The following HPD variants were observed in gnomAD, a reference collection of about 807,000 sequenced individuals.
HPD encodes 4-hydroxyphenylpyruvate dioxygenase.
A neutral mutation model predicts 56.9 loss-of-function variants in HPD; 35 were observed. That is an observed-to-expected ratio of 0.62 (90% confidence interval 0.47 to 0.82). HPD has a LOEUF of 0.82. Ranked by LOEUF, HPD falls within the 40% of genes least tolerant of loss-of-function variation. The probability of loss-of-function intolerance (pLI) is 0.00; values close to 1 mark genes in which losing one functional copy is unlikely to be tolerated. For missense variants in HPD, 442 were observed against 506.8 expected, an observed-to-expected ratio of 0.87 and a Z score of 1.23; for synonymous variants, 186 against 200.2, an observed-to-expected ratio of 0.93 and a Z score of 0.60.
At chr12:121,849,179 G>T (rs1317226749) in intron 8 of HPD, 103 bp from the exon 9 acceptor site, 7 of 759,322 alleles carry the variant, frequency 9.2e-6, no homozygotes, top group Non-Finnish European at 1.7e-5. Context: ...TCTGTTTTTG[G>T]AGTTCTATTT....
Position 121,858,790 on chromosome 12 carries a change from C to T in HPD, c.3+31G>A, listed in dbSNP as rs576777240. The T allele has an allele frequency of 7.8e-5, 126 of 1,614,064 alleles. 3 individuals are homozygous for T. The South Asian group carries it at 1.2e-3, about 16-fold the overall frequency. On this transcript the variant is annotated intron_variant, in intron 1 of 13. Coordinates refer to ENST00000289004, the MANE Select transcript of HPD (RefSeq NM_002150.3). ...TTCTGGAAGCGTTACTGAAGATGTC[C>T]CACCCAAGGGGAGATGGCCATGGCA...
chr12:121,844,721 C>CAAAA (rs200446497), intron 11 of HPD, among the ~76,000 whole-genome samples: 4 of 147,336 alleles, frequency 2.7e-5, no homozygotes, highest in African/African-American at 5.0e-5. Context: ...ACTAAAAATA[C>CAAAA]AAAAAAAAAA....
rs1877778845 is a variant in HPD at position 121,851,687 on chromosome 12, A to ATTATTT, written c.415-1898_415-1897insAAATAA. 1.3e-4 allele frequency among the ~76,000 whole-genome samples: 12 copies of ATTATTT among 92,400 alleles called. 1 individual carries two copies. Among genetic ancestry groups the ATTATTT allele is most frequent in the African/African-American group, 4.7e-4 (11 of 23,390 alleles). 60.6% of individuals were successfully genotyped at this position (92,400 alleles called of 152,430 possible). On this transcript the variant is annotated intron_variant, in intron 7 of 13. Transcript: ENST00000289004. ...CTTTTTAAAACATTTTTATTCATTTATTTATTTATTTATTTTTTTTTTTTT... is the reference window on the plus strand; with the variant it reads ...CTTTTTAAAACATTTTTATTCATTTATTATTTTTTATTTATTTATTTTTTTTTTTTT...
At chr12:121,884,937 G>A in the HPD span, among the ~76,000 whole-genome samples, 1 of 152,094 alleles carries the variant, frequency 6.6e-6, no homozygotes, top group African/African-American at 2.4e-5. Flanking sequence ...GGTCCAGGCT[G>A]GAGTGCAGTG....
At chr12:121,884,542 AG>A in the HPD span, among the ~76,000 whole-genome samples, 6 of 152,136 alleles carry the variant, frequency 3.9e-5, no homozygotes, top group African/African-American at 1.4e-4. Context: ...CCTGGACTCA[AG>A]GGATCCTCCT....
At chr12:121,849,961 A>G in intron 7 of HPD, 171 bp from the exon 8 acceptor site, 1 of 652,806 alleles carries the variant, frequency 1.5e-6, no homozygotes, top group Non-Finnish European at 2.8e-6. Context: ...GCAATCTGTC[A>G]CTTGTTTGAG....
At position 121,857,382 on chromosome 12, in the gene HPD, C is replaced by T; in HGVS notation, c.144G>A (p.Arg48=). ...CCTCCCGGGAACCGGTCTCCAGGCC[C>T]CTGTAGGCTAGAGGTTCAAAGCCCA... is the stretch of plus-strand genomic sequence containing the variant. ...SKMGFEPLAY[R]GLETGSREVV... is the part of the protein sequence containing the mutation. The change falls in exon 4 of 14, where the codon AGG becomes AGA. Residue 48 remains arginine, a synonymous_variant. Coordinates refer to ENST00000289004, the MANE Select transcript of HPD (RefSeq NM_002150.3). 1.2e-6 allele frequency: 2 copies of T among 1,614,126 alleles called. No individual in the cohort carries two copies. Among genetic ancestry groups the T allele is most frequent in the South Asian group, 2.2e-5 (2 of 91,086 alleles).
the HPD span, among the ~76,000 whole-genome samples, chr12:121,885,345 G>A: frequency 6.6e-6 from 1 of 151,954 alleles, no homozygotes; most frequent in Non-Finnish European, 1.5e-5. Flanking sequence ...GTGACTACAG[G>A]CATGAGTCAC....
intron 7 of HPD, among the ~76,000 whole-genome samples, chr12:121,854,024 C>A (rs10840623): frequency 0.5 from 75,800 of 151,892 alleles, 19,233 homozygotes; most frequent in East Asian, 0.79. Context: ...CTGAGTTGGG[C>A]GGATCACCAG....
upstream of HPD, among the ~76,000 whole-genome samples, chr12:121,868,125 G>C (rs1315193928): frequency 6.6e-6 from 1 of 152,088 alleles, no homozygotes; most frequent in Non-Finnish European, 1.5e-5. Context: ...GGAGGTCAAG[G>C]CTGCAATGAT....
In HPD at chr12:121,843,741, A is replaced by G; in HGVS notation, c.923T>C (p.Ile308Thr). Residue 308 changes from isoleucine (I) to threonine (T), a missense_variant, in exon 12 of 14, where the codon ATC becomes ACC. Physicochemically the swap from Ile to Thr is moderately conservative, Grantham distance 89. Coordinates refer to ENST00000289004, the MANE Select transcript of HPD (RefSeq NM_002150.3). ...QLREKLKTAKIKVKENIDALE... is the reference protein window; with the variant it reads ...QLREKLKTAKTKVKENIDALE... ...GGCATCAATGTTCTCCTTCACCTTG[A>G]TCTTGGCCGTCTTCAGCTTCTCCCG... 6.2e-7 allele frequency: 1 copy of G among 1,614,002 alleles called. No individual in the cohort carries two copies. The highest frequency in any genetic ancestry group is 8.5e-7 in the Non-Finnish European group (1 of 1,180,008).
chr12:121,872,600 T>C, the HPD span, among the ~76,000 whole-genome samples: 3 of 151,902 alleles, frequency 2.0e-5, no homozygotes, highest in Non-Finnish European at 2.9e-5. Flanking sequence ...ATCCTTTCCC[T>C]GCTCCGTTCA....
chr12:121,857,677 A>G, intron 3 of HPD, 80 bp downstream of exon 3: 1 of 1,241,002 alleles, frequency 8.1e-7, no homozygotes, highest in Non-Finnish European at 1.2e-6. Flanking sequence ...CCAATCACAG[A>G]CCCTGCTGGA....
chr12:121,865,868 A>C (rs1592927692), upstream of HPD, among the ~76,000 whole-genome samples: 1 of 152,112 alleles, frequency 6.6e-6, no homozygotes, highest in East Asian at 1.9e-4. Context: ...GGGCGCCTGT[A>C]ATCCCATCTA....
At chr12:121,840,446 G>T (rs1467070428) in intron 12 of HPD, among the ~76,000 whole-genome samples, 5 of 152,072 alleles carry the variant, frequency 3.3e-5, no homozygotes, top group Non-Finnish European at 7.4e-5. Flanking sequence ...GACTACAGGC[G>T]CAGGCTACCA....
At chr12:121,843,199 G>T (rs1877464855) in intron 12 of HPD, among the ~76,000 whole-genome samples, 1 of 152,154 alleles carries the variant, frequency 6.6e-6, no homozygotes, top group Admixed American at 6.5e-5. Flanking sequence ...GGTCACAAAA[G>T]AACAAAATCC....
rs962904756 is a variant in HPD at position 121,839,622 on chromosome 12, C to A, written c.*106G>T. 89 of 848,148 alleles carry A rather than the reference C, an allele frequency of 1.0e-4. No individual in the cohort carries two copies. The highest frequency in any genetic ancestry group is 1.5e-4 in the Non-Finnish European group (75 of 507,724). 52.5% of individuals were successfully genotyped at this position (848,148 alleles called of 1,614,324 possible). ...TGGGCGGAGCCTTGGGGGCCGAGTC[C>A]GCTGGTGGGCGGGACCCAAGGGGAG... On this transcript the variant is annotated 3_prime_UTR_variant, in exon 14 of 14. Coordinates refer to ENST00000289004, the MANE Select transcript of HPD (RefSeq NM_002150.3).
At chr12:121,841,268 C>T (rs1313718150) in intron 12 of HPD, among the ~76,000 whole-genome samples, 1 of 151,712 alleles carries the variant, frequency 6.6e-6, no homozygotes, top group African/African-American at 2.4e-5. Context: ...ACTGGGGAGG[C>T]TGAGGCAGGA....
intron 6 of HPD, 23 bp from the exon 7 acceptor site, chr12:121,854,815 G>A (rs779947081): frequency 6.3e-7 from 1 of 1,578,784 alleles, no homozygotes; most frequent in Non-Finnish European, 8.7e-7. Context: ...TGGGATCGGG[G>A]AATTGGTGAG....
Sources: gnomAD v4.1 joint callset for allele counts (sites outside exome capture counted in the v4.1 genomes callset) on GRCh38, gnomAD v4.1.1 for gene constraint, MANE v1.5 for transcripts, NCBI Gene and HGNC (gene_info 2026-07-23, HGNC 2026-07-21) for gene names.